The following STK3 variants were observed in gnomAD, a reference collection of about 807,000 sequenced individuals.
The protein encoded by STK3 is serine/threonine-protein kinase 3.
A neutral mutation model predicts 58.0 loss-of-function variants in STK3; 41 were observed. The ratio of observed to expected loss-of-function variants is 0.71; its 90% CI spans 0.55 to 0.92. The LOEUF (loss-of-function observed/expected upper bound fraction) is 0.92, where lower values mean the gene tolerates loss of function less well. STK3 is among the 40% of genes least tolerant of loss of function. The pLI is 0.00. For missense variants in STK3, 479 were observed against 602.7 expected (o/e 0.79, Z 2.15); for synonymous variants, 170 against 191.0 (o/e 0.89, Z 0.91).
chr8:98,905,535 G>A (rs1367662224), intron 1 of STK3: 7 of 1,051,774 alleles, frequency 6.7e-6, no homozygotes, highest in Non-Finnish European at 9.0e-6. Flanking sequence ...CTCAGCCGCC[G>A]TCTTGTCTTC....
chr8:98,937,081 A>T (rs1200387537), intron 1 of STK3, among the ~76,000 whole-genome samples: 2 of 152,328 alleles, frequency 1.3e-5, no homozygotes, highest in Non-Finnish European at 2.9e-5. Flanking sequence ...TTCTTATAAG[A>T]CCAGTATTCT....
intron 9 of STK3, among the ~76,000 whole-genome samples, chr8:98,539,080 A>C (rs1472775747): frequency 6.6e-6 from 1 of 152,172 alleles, no homozygotes; most frequent in African/African-American, 2.4e-5. Context: ...TTCATAAAAG[A>C]ATGGTAAGTG....
At chr8:98,597,906 A>C (rs573641640) in intron 6 of STK3, 98 of 985,258 alleles carry the variant, frequency 9.9e-5, no homozygotes, top group Non-Finnish European at 1.1e-4. Context: ...AACCTAATTA[A>C]TCTCAGACAG....
intron 2 of STK3, among the ~76,000 whole-genome samples, chr8:98,372,424 C>T (rs1817619957): frequency 6.6e-6 from 1 of 152,214 alleles, no homozygotes; most frequent in Non-Finnish European, 1.5e-5. Context: ...CTCCCCGGCC[C>T]CTCCACCCAC....
In STK3 at chr8:98,903,541, CTTCTTCTTCTTCTTCCTTT is replaced by C. The variant is rs1395361649; in HGVS notation, c.-78-19726_-78-19708del. On this transcript the variant is annotated intron_variant, in intron 1 of 1. Coordinates refer to the STK3 transcript ENST00000519420. ...TCTTCTTCTTCTTCTTCTTCTTCTT[CTTCTTCTTCTTCTTCCTTT>C]TTTTTTTTTTAAGTGGGGCCTTGCT... Among the ~76,000 whole-genome samples the C allele has an allele frequency of 1.6e-3, 44 of 26,966 alleles. 1 individual carries two copies. Among genetic ancestry groups the C allele is most frequent in the Admixed American group, 2.9e-3 (5 of 1,710 alleles). The allele number at this position is 26,966 out of a possible 152,430, so 17.7% of individuals were successfully genotyped here. A position where few individuals can be genotyped will look rare whatever the true frequency, so the allele number is the denominator to read the frequency against.
In STK3 at chr8:98,579,784, A is replaced by G; in HGVS notation, c.828T>C (p.Pro276=). ...ATACAGGTTTGGCATTCTTGATAAA[A>G]GGATGCTAAAAAAGTAAAATTCAAT... ...RATATQLLQH[P]FIKNAKPVSI... Residue 276 remains proline, a synonymous_variant, in exon 8 of 11, where the codon CCT becomes CCC. Transcript: ENST00000419617. The G allele has an allele frequency of 6.4e-7, 1 of 1,568,914 alleles. No homozygotes were observed. Among genetic ancestry groups the G allele is most frequent in the Non-Finnish European group, 8.6e-7 (1 of 1,167,012 alleles).
At chr8:98,573,345 A>G (rs553112965) in intron 8 of STK3, among the ~76,000 whole-genome samples, 2 of 152,170 alleles carry the variant, frequency 1.3e-5, no homozygotes, top group Non-Finnish European at 2.9e-5. Context: ...AAAATTTACA[A>G]TCATGGCAGA....
At position 98,619,000 on chromosome 8, in the gene STK3, T is replaced by C. The variant is rs1193202948; in HGVS notation, c.685-22831A>G. Among the ~76,000 whole-genome samples, 6 of 149,396 alleles carry C rather than the reference T, an allele frequency of 4.0e-5. No individual in the cohort carries two copies. The East Asian group carries it at 1.2e-3, about 29-fold the overall frequency. On this transcript the variant is annotated intron_variant, in intron 6 of 10. Coordinates refer to ENST00000419617, the MANE Select transcript of STK3 (RefSeq NM_006281.4). Reference sequence around the variant, plus strand: ...ATACGGAACCAAAAAAGAGCCCGCATCGCCAAGTCAATCCTAAGCCAAAAG... The same window carrying C: ...ATACGGAACCAAAAAAGAGCCCGCACCGCCAAGTCAATCCTAAGCCAAAAG...
At chr8:98,652,229 C>G (rs1356847123) in intron 6 of STK3, among the ~76,000 whole-genome samples, 1 of 152,134 alleles carries the variant, frequency 6.6e-6, no homozygotes, top group Non-Finnish European at 1.5e-5. Context: ...TCCAGCCAAA[C>G]TAAGCTTCAT....
chr8:98,893,476 AAG>A (rs1192454477), intron 1 of STK3, among the ~76,000 whole-genome samples: 8 of 69,772 alleles, frequency 1.1e-4, no homozygotes, highest in East Asian at 4.3e-4. Context: ...GAAAGAAAGA[AAG>A]AAAGAAAGAG....
chr8:98,449,747 C>T (rs75052056), downstream of STK3, among the ~76,000 whole-genome samples: 1,520 of 152,164 alleles, frequency 1.0e-2, 13 homozygotes, highest in South Asian at 0.028. Flanking sequence ...GGAGGAGGTG[C>T]CTTTAGGAGG....
Position 98,685,322 on chromosome 8 carries a change from T to C in STK3, c.684+21145A>G, listed in dbSNP as rs148462043. On this transcript the variant is annotated intron_variant, in intron 6 of 10. Transcript: ENST00000419617. ...CCTCAATATTACCAAACTAATCATG[T>C]GTACAGAGCACTTGGCAATACCAAC... Among the ~76,000 whole-genome samples the C allele has an allele frequency of 1.7e-4, 26 of 152,290 alleles. No individual in the cohort carries two copies. The East Asian group carries it at 4.0e-3, about 24-fold the overall frequency.
chr8:98,439,772 C>T (rs1031522155), intron 1 of STK3, among the ~76,000 whole-genome samples: 1 of 152,198 alleles, frequency 6.6e-6, no homozygotes, highest in African/African-American at 2.4e-5. Context: ...AACCTGAGCC[C>T]TTCATTTAAA....
At position 98,721,435 on chromosome 8, in the gene STK3, T is replaced by C. The variant is rs151206156; in HGVS notation, c.352-14124A>G. Among the ~76,000 whole-genome samples the C allele has an allele frequency of 6.3e-3, 955 of 152,120 alleles. 4 individuals are homozygous for C. The highest frequency in any genetic ancestry group is 9.4e-3 in the Non-Finnish European group (642 of 67,996). ...GTCTCAGCTACCCAGCAGACTGAGG[T>C]GGGAGGATCACATGAGCCCAGGAGT... is the stretch of plus-strand genomic sequence containing the variant. On this transcript the variant is annotated intron_variant, in intron 4 of 10. Transcript: ENST00000419617.
At chr8:98,680,521 A>G (rs1056549955) in intron 6 of STK3, among the ~76,000 whole-genome samples, 1 of 152,246 alleles carries the variant, frequency 6.6e-6, no homozygotes, top group Admixed American at 6.5e-5. Context: ...CCGCAGCAGC[A>G]TAACTTACTA....
chr8:98,423,933 C>T (rs1043669994), intron 3 of STK3, among the ~76,000 whole-genome samples: 2 of 152,194 alleles, frequency 1.3e-5, no homozygotes, highest in African/African-American at 2.4e-5. Flanking sequence ...CCCTGCACAC[C>T]TGTACCCCCT....
intron 3 of STK3, among the ~76,000 whole-genome samples, chr8:98,425,120 AG>A (rs1337098193): frequency 6.6e-6 from 1 of 152,196 alleles, no homozygotes; most frequent in Non-Finnish European, 1.5e-5. Context: ...CCCCTCAGCA[AG>A]GGTGGCACTC....
chr8:98,910,451 A>G (rs1012339841), intron 1 of STK3, among the ~76,000 whole-genome samples: 1 of 152,224 alleles, frequency 6.6e-6, no homozygotes, highest in East Asian at 1.9e-4. Flanking sequence ...TTTTCAAACT[A>G]ACATGTCTTC....
intron 4 of STK3, among the ~76,000 whole-genome samples, chr8:98,716,813 T>A (rs1827054316): frequency 6.6e-6 from 1 of 152,104 alleles, no homozygotes; most frequent in Non-Finnish European, 1.5e-5. Flanking sequence ...GATATTGGCA[T>A]AAACACAGAC....
Sources: allele counts gnomAD v4.1 joint callset (sites outside exome capture counted in the v4.1 genomes callset), GRCh38; gene constraint gnomAD v4.1.1; transcripts MANE v1.5; gene names NCBI Gene and HGNC (gene_info 2026-07-23, HGNC 2026-07-21).